MTNR1B: variants seen among roughly 807,000 people sequenced by gnomAD.
MTNR1B encodes the protein melatonin receptor type 1B.
Under a neutral mutation model 7.0 loss-of-function variants are expected in MTNR1B, and 7 were observed. The ratio of observed to expected loss-of-function variants is 1.00; its 90% confidence interval spans 0.57 to 1.88. The LOEUF (loss-of-function observed/expected upper bound fraction) is 1.88, where lower values mean the gene tolerates loss of function less well. Ranked by LOEUF, MTNR1B falls within the 40% of genes most tolerant of loss-of-function variation. The probability of loss-of-function intolerance (pLI) is 0.00; values close to 1 mark genes in which losing one functional copy is unlikely to be tolerated. For missense variants in MTNR1B, 478 were observed against 486.5 expected, an observed-to-expected ratio of 0.98 and a Z score of 0.16; for synonymous variants, 226 against 208.2, an observed-to-expected ratio of 1.09 and a Z score of -0.74.
At chr11:92,984,026 C>T (rs374647514), downstream of MTNR1B, among the ~76,000 whole-genome samples, 4 of 152,136 alleles carry the variant, frequency 2.6e-5, no homozygotes, top group Non-Finnish European at 5.9e-5. Context: ...TACTTCTATC[C>T]CCCATCATCC....
chr11:92,984,420 C>T (rs1858166092), downstream of MTNR1B, among the ~76,000 whole-genome samples: 1 of 151,506 alleles, frequency 6.6e-6, no homozygotes, highest in Non-Finnish European at 1.5e-5. Flanking sequence ...GGAGACCTCT[C>T]AGTCCACACC....
Position 92,982,693 on chromosome 11 carries a change from C to A in MTNR1B, c.*381C>A. ...CCCCTTCCCCCCAGCGTGGCAGGAT[C>A]TCTTCCTGTTAGCAAGGATGAAAGA... is the stretch of plus-strand genomic sequence containing the variant. On this transcript the variant is annotated 3_prime_UTR_variant, in exon 2 of 2. Transcript: ENST00000257068. 1 of 244,094 alleles carries A rather than the reference C, an allele frequency of 4.1e-6. No individual in the cohort carries two copies. The highest frequency in any genetic ancestry group is 5.0e-5 in the Admixed American group (1 of 19,940). 15.1% of individuals were successfully genotyped at this position (244,094 alleles called of 1,614,324 possible). A position where few individuals can be genotyped will look rare whatever the true frequency, so the allele number is the denominator to read the frequency against.
At chr11:92,972,384 C>A (rs981247911) in intron 1 of MTNR1B, 14 of 456,014 alleles carry the variant, frequency 3.1e-5, no homozygotes, top group African/African-American at 2.6e-4. Flanking sequence ...CTCTATGGAG[C>A]AGATCTGTAT....
Sources: allele counts gnomAD v4.1 joint callset (sites outside exome capture counted in the v4.1 genomes callset), GRCh38; gene constraint gnomAD v4.1.1; transcripts MANE v1.5; gene names NCBI Gene and HGNC (gene_info 2026-07-23, HGNC 2026-07-21).